KIF1A: variants seen among roughly 807,000 people sequenced by gnomAD.
KIF1A encodes the protein kinesin family member 1A.
KIF1A carries 46 observed loss-of-function variants against 227.3 expected under a neutral mutation model. The observed-to-expected ratio is 0.20, with a 90% CI of 0.16 to 0.26. The LOEUF (loss-of-function observed/expected upper bound fraction) is 0.26. Among genes scored for constraint, KIF1A ranks in the 10% least tolerant of loss-of-function variants. The pLI is 1.00. For missense variants in KIF1A, 1,683 were observed against 2,485.9 expected, an observed-to-expected ratio of 0.68 and a Z score of 6.87; for synonymous variants, 1,022 against 1,012.8, an observed-to-expected ratio of 1.01 and a Z score of -0.17.
Position 240,737,077 on chromosome 2 carries a change from T to G in KIF1A, c.3993A>C (p.Pro1331=), listed in dbSNP as rs1458877197. 6.2e-7 allele frequency: 1 copy of G among 1,612,550 alleles called. No individual in the cohort carries two copies. The highest frequency in any genetic ancestry group is 8.5e-7 in the Non-Finnish European group (1 of 1,178,834). ...CTCCGACTCACCGGTCATCTTGGGC[T>G]GGGTGGATGTATCCGGAAGAGAGGA... ...LNILSSGYIH[P]AQDDRTFYQF... is the part of the protein sequence containing the mutation. Residue 1331 remains proline, a synonymous_variant, in exon 38 of 49, where the codon CCA becomes CCC. Coordinates refer to ENST00000498729, the MANE Select transcript of KIF1A (RefSeq NM_001244008.2).
At chr2:240,802,205 A>G (rs1296434663) in intron 1 of KIF1A, among the ~76,000 whole-genome samples, 4 of 152,338 alleles carry the variant, frequency 2.6e-5, no homozygotes, top group African/African-American at 9.6e-5. Context: ...CAAGATTTCA[A>G]CATGATCATG....
At chr2:240,796,952 C>T (rs1559538270) in intron 2 of KIF1A, among the ~76,000 whole-genome samples, 1 of 152,046 alleles carries the variant, frequency 6.6e-6, no homozygotes, top group Non-Finnish European at 1.5e-5. Flanking sequence ...CGGATGGGTG[C>T]ACGGCACCTG....
At chr2:240,724,329 C>G (rs768417461) in intron 40 of KIF1A, 406 of 481,912 alleles carry the variant, frequency 8.4e-4, no homozygotes, top group Middle Eastern at 6.1e-3. Flanking sequence ...GGGGTACAGG[C>G]AACATGAGCA....
intron 1 of KIF1A, among the ~76,000 whole-genome samples, chr2:240,799,731 C>T (rs936396080): frequency 4.6e-5 from 7 of 152,164 alleles, no homozygotes; most frequent in African/African-American, 2.4e-5. Context: ...GCACAAATCC[C>T]GCAAGGTTTC....
chr2:240,728,219 C>A (rs1299131050), intron 38 of KIF1A, among the ~76,000 whole-genome samples: 1 of 152,156 alleles, frequency 6.6e-6, no homozygotes, highest in Non-Finnish European at 1.5e-5. Context: ...GCAGAAGGAC[C>A]AGGGAGGGCT....
intron 42 of KIF1A, among the ~76,000 whole-genome samples, 165 bp downstream of exon 42, chr2:240,723,248 T>G (rs1244375090): frequency 1.3e-5 from 2 of 152,236 alleles, no homozygotes; most frequent in Non-Finnish European, 2.9e-5. Context: ...AGCCCCGCAG[T>G]GCACACTGGA....
At chr2:240,762,926 C>T in intron 22 of KIF1A, 93 bp downstream of exon 22, 5 of 1,389,862 alleles carry the variant, frequency 3.6e-6, no homozygotes, top group Non-Finnish European at 3.9e-6. Flanking sequence ...AGAGATGGGG[C>T]CAGGCAAGCA....
intron 38 of KIF1A, among the ~76,000 whole-genome samples, chr2:240,732,161 A>ATGAGGGGATGGGGAGGTGGGGG (rs2046758165): frequency 1.8e-5 from 1 of 55,176 alleles, no homozygotes; most frequent in African/African-American, 7.5e-5. Flanking sequence ...GGAGGAGGGG[A>ATGAGGGGATGGGGAGGTGGGGG]GGAGAGGATA....
chr2:240,786,931 C>G (rs2055014259), intron 5 of KIF1A, among the ~76,000 whole-genome samples: 2 of 151,004 alleles, frequency 1.3e-5, no homozygotes, highest in African/African-American at 4.9e-5. Flanking sequence ...CCATCCTGGG[C>G]TCTAGGACAC....
In KIF1A at chr2:240,792,002, GC is replaced by G; in HGVS notation, c.107-2691del. Among the ~76,000 whole-genome samples, 1 of 149,804 alleles carries G rather than the reference GC, an allele frequency of 6.7e-6. No homozygotes were observed. The highest frequency in any genetic ancestry group is 2.0e-4 in the East Asian group (1 of 5,008). ...CCCAGGCCATGTATTGTGTCTGGGAGCCCCACCCCACCCTGGCCCTGCCACC... is the reference window on the plus strand; with the variant it reads ...CCCAGGCCATGTATTGTGTCTGGGAGCCCACCCCACCCTGGCCCTGCCACC... On this transcript the variant is annotated intron_variant, in intron 2 of 48. Coordinates refer to ENST00000498729, the MANE Select transcript of KIF1A (RefSeq NM_001244008.2). This position sits in a 1 kb window ranked among gnomAD's most constrained non-coding sequence, Gnocchi z 4.5.
Position 240,718,664 on chromosome 2 carries a change from C to T in KIF1A, c.5214+342G>A, listed in dbSNP as rs566971687. Among the ~76,000 whole-genome samples, 38 of 152,356 alleles carry T rather than the reference C, an allele frequency of 2.5e-4. No individual in the cohort carries two copies. The South Asian group carries it at 6.0e-3, about 24-fold the overall frequency. On this transcript the variant is annotated intron_variant, in intron 47 of 48. Coordinates refer to ENST00000498729, the MANE Select transcript of KIF1A (RefSeq NM_001244008.2). Reference sequence around the variant, plus strand: ...GAGGGCTCCTCTGAGCCCTGTGGCTCGCCCATTCCTGCAGGGCTGGTGCCA... The same window carrying T: ...GAGGGCTCCTCTGAGCCCTGTGGCTTGCCCATTCCTGCAGGGCTGGTGCCA...
intron 1 of KIF1A, among the ~76,000 whole-genome samples, chr2:240,807,130 G>GTGTATATATATATATATATATATA (rs1356399506): frequency 1.7e-5 from 2 of 119,492 alleles, no homozygotes; most frequent in East Asian, 2.3e-4. Flanking sequence ...GTGTGTGTGT[G>GTGTATATATATATATATATATATA]TATATATATA....
chr2:240,751,219 T>G (rs2049166590), intron 27 of KIF1A, among the ~76,000 whole-genome samples: 1 of 152,076 alleles, frequency 6.6e-6, no homozygotes, highest in South Asian at 2.1e-4. Context: ...GGTCGCCAGA[T>G]AGCTGCTGCG....
intron 5 of KIF1A, 124 bp from the exon 6 acceptor site, chr2:240,786,637 G>C: frequency 1.5e-6 from 1 of 663,412 alleles, no homozygotes; most frequent in South Asian, 1.9e-5. Flanking sequence ...GATGGGGGCC[G>C]CCATCAGGAC....
chr2:240,796,150 C>T (rs2056369797), intron 2 of KIF1A, among the ~76,000 whole-genome samples: 1 of 152,202 alleles, frequency 6.6e-6, no homozygotes, highest in South Asian at 2.1e-4. Flanking sequence ...ACGGTTCCCA[C>T]CCGGAGTCGA....
chr2:240,798,586 G>T (rs987759638), intron 1 of KIF1A, among the ~76,000 whole-genome samples: 3 of 152,188 alleles, frequency 2.0e-5, no homozygotes, highest in African/African-American at 7.2e-5. Context: ...ATGACGGGGT[G>T]GTGGTCAGGA....
intron 15 of KIF1A, among the ~76,000 whole-genome samples, chr2:240,770,741 C>T (rs1575600197): frequency 6.6e-6 from 1 of 152,234 alleles, no homozygotes. Context: ...GAGTGTTGTG[C>T]AGCCCACAGC....
chr2:240,742,355 C>T (rs1235070486), intron 34 of KIF1A, among the ~76,000 whole-genome samples: 2 of 152,188 alleles, frequency 1.3e-5, no homozygotes, highest in Admixed American at 6.5e-5. Flanking sequence ...TCGGCCACAC[C>T]TGCTGGGCCT....
At chr2:240,744,571 T>C (rs764820407) in intron 32 of KIF1A, among the ~76,000 whole-genome samples, 6 of 152,246 alleles carry the variant, frequency 3.9e-5, no homozygotes, top group East Asian at 1.9e-4. Flanking sequence ...GCTGTCCCTA[T>C]GAAAAGCGGA....
Sources: allele counts gnomAD v4.1 joint callset (sites outside exome capture counted in the v4.1 genomes callset), GRCh38; gene constraint gnomAD v4.1.1; non-coding constraint Gnocchi (gnomAD v3.1); transcripts MANE v1.5; gene names NCBI Gene and HGNC (gene_info 2026-07-23, HGNC 2026-07-21).